Variants in VPS50 observed in about 807,000 individuals in gnomAD.
The protein encoded by VPS50 is VPS50 subunit of EARP/GARPII complex.
In VPS50, 70 loss-of-function variants were observed where a neutral mutation model predicts 139.7. The ratio of observed to expected loss-of-function variants is 0.50; its 90% CI spans 0.41 to 0.61. VPS50 has a LOEUF of 0.61. Ranked by LOEUF, VPS50 falls within the 20% of genes least tolerant of loss-of-function variation. VPS50 has a pLI of 0.00. For missense variants in VPS50, 921 were observed against 1,133.7 expected (o/e 0.81, Z 2.69); for synonymous variants, 365 against 376.7 (o/e 0.97, Z 0.36).
At chr7:93,302,243 T>C (rs1796997595) in intron 16 of VPS50, among the ~76,000 whole-genome samples, 1 of 152,158 alleles carries the variant, frequency 6.6e-6, no homozygotes, top group African/African-American at 2.4e-5. Context: ...GGCCATTATG[T>C]CTTCAAATAT....
intron 12 of VPS50, among the ~76,000 whole-genome samples, chr7:93,277,042 T>G (rs946518372): frequency 6.6e-6 from 1 of 152,178 alleles, no homozygotes; most frequent in Admixed American, 6.5e-5. Flanking sequence ...TCTACTTGTA[T>G]TTAAAGCCCT....
intron 1 of VPS50, 138 bp downstream of exon 1, chr7:93,232,638 G>C: frequency 1.3e-6 from 1 of 774,138 alleles, no homozygotes; most frequent in Non-Finnish European, 2.2e-6. Context: ...GGAAGCCGGG[G>C]CATACCCTAG....
At chr7:93,345,122 T>C (rs1481595051) in intron 23 of VPS50, among the ~76,000 whole-genome samples, 11 of 151,954 alleles carry the variant, frequency 7.2e-5, no homozygotes, top group African/African-American at 2.2e-4. Flanking sequence ...ATCAAATAGA[T>C]GCAATAATAA....
intron 26 of VPS50, among the ~76,000 whole-genome samples, 192 bp from the exon 27 acceptor site, chr7:93,355,699 G>A (rs558799945): frequency 1.9e-4 from 29 of 152,180 alleles, no homozygotes; most frequent in African/African-American, 5.5e-4. Context: ...ACTGAGGCCC[G>A]CATAGGTAAA....
At chr7:93,285,631 G>A (rs574865503) in intron 12 of VPS50, among the ~76,000 whole-genome samples, 2 of 152,294 alleles carry the variant, frequency 1.3e-5, no homozygotes, top group East Asian at 3.9e-4. Flanking sequence ...AGACTGAGAT[G>A]TTGCTGGTTT....
chr7:93,355,991 C>A lies in VPS50; in HGVS notation c.2686C>A (p.Pro896Thr), dbSNP rs1001689605. ...MKLEKLTDIR[P>T]IPDKEFVETY... ...ACTTGAAAAACTAACAGATATTAGA[C>A]CCATTCCTGATAAAGAATTTGTAGA... Residue 896 changes from proline (P) to threonine (T), a missense_variant, in exon 27 of 28, where the codon CCC becomes ACC. This residue lies in a region of VPS50 where 158 missense variants were observed against 156.3 expected (regional missense o/e 1.01). Coordinates refer to ENST00000305866, the MANE Select transcript of VPS50 (RefSeq NM_017667.4). 6.3e-7 allele frequency: 1 copy of A among 1,584,366 alleles called. No individual in the cohort carries two copies. Among genetic ancestry groups the A allele is most frequent in the Non-Finnish European group, 8.6e-7 (1 of 1,156,202 alleles).
intron 9 of VPS50, among the ~76,000 whole-genome samples, chr7:93,270,776 T>G (rs927153451): frequency 6.6e-5 from 10 of 152,114 alleles, no homozygotes; most frequent in Admixed American, 2.6e-4. Flanking sequence ...GCCATTTTTT[T>G]CATTCGTTAC....
At chr7:93,271,965 G>A (rs938073489) in intron 10 of VPS50, among the ~76,000 whole-genome samples, 8 of 151,832 alleles carry the variant, frequency 5.3e-5, no homozygotes, top group Non-Finnish European at 1.0e-4. Flanking sequence ...TTAAATAATT[G>A]TGAGAATGAC....
intron 20 of VPS50, among the ~76,000 whole-genome samples, chr7:93,319,983 C>A (rs1797552697): frequency 6.6e-6 from 1 of 151,472 alleles, no homozygotes; most frequent in Non-Finnish European, 1.5e-5. Flanking sequence ...TATTATATTT[C>A]TTTTTAGCTT....
At chr7:93,306,482 A>G (rs562321059) in intron 18 of VPS50, among the ~76,000 whole-genome samples, 3 of 152,008 alleles carry the variant, frequency 2.0e-5, no homozygotes, top group South Asian at 2.1e-4. Flanking sequence ...TAGAAGTACA[A>G]TGTTTTAACA....
intron 11 of VPS50, among the ~76,000 whole-genome samples, chr7:93,274,647 G>A (rs967459353): frequency 2.3e-4 from 35 of 152,132 alleles, no homozygotes; most frequent in African/African-American, 7.7e-4. Flanking sequence ...TTTCATGCCT[G>A]ATAACAGTCA....
chr7:93,329,848 G>T (rs1475901686), intron 21 of VPS50, among the ~76,000 whole-genome samples: 1 of 151,920 alleles, frequency 6.6e-6, no homozygotes, highest in Non-Finnish European at 1.5e-5. Flanking sequence ...TAGATAAAAA[G>T]AACAAAAATA....
At chr7:93,246,616 G>A (rs1196586272) in intron 2 of VPS50, among the ~76,000 whole-genome samples, 1 of 151,760 alleles carries the variant, frequency 6.6e-6, no homozygotes, top group Non-Finnish European at 1.5e-5. Context: ...GTTTAATAAT[G>A]GTAAGGAAAA....
chr7:93,294,746 T>C (rs1485450062), intron 14 of VPS50, 110 bp downstream of exon 14: 2 of 793,044 alleles, frequency 2.5e-6, no homozygotes, highest in Non-Finnish European at 3.8e-6. Context: ...GCAGATTTAA[T>C]CATATGTTTC....
intron 20 of VPS50, among the ~76,000 whole-genome samples, chr7:93,316,121 T>A (rs1356470948): frequency 6.6e-6 from 1 of 152,154 alleles, no homozygotes; most frequent in Non-Finnish European, 1.5e-5. Context: ...TTCTCATAGA[T>A]GAAGTTGGTA....
At chr7:93,312,626 T>G (rs1466169875) in intron 20 of VPS50, among the ~76,000 whole-genome samples, 3 of 151,960 alleles carry the variant, frequency 2.0e-5, no homozygotes, top group Admixed American at 6.5e-5. Context: ...GTGCATTTTT[T>G]TCTTCTATTT....
intron 5 of VPS50, 148 bp from the exon 6 acceptor site, chr7:93,257,246 A>G (rs1795514352): frequency 3.6e-5 from 20 of 555,068 alleles, no homozygotes; most frequent in Admixed American, 7.0e-5. Context: ...ATATACTAAT[A>G]GTTTTCAAGT....
chr7:93,322,621 A>AG (rs1344678404), intron 20 of VPS50, among the ~76,000 whole-genome samples: 3 of 151,660 alleles, frequency 2.0e-5, no homozygotes, highest in South Asian at 4.2e-4. Flanking sequence ...AAAAAAAAAA[A>AG]ATAGTACCAA....
At chr7:93,342,706 C>A (rs902070401) in intron 23 of VPS50, among the ~76,000 whole-genome samples, 7 of 152,168 alleles carry the variant, frequency 4.6e-5, no homozygotes, top group Middle Eastern at 3.2e-3. Flanking sequence ...TGGGAGGCAC[C>A]CCCCAGCAGG....
Sources: allele counts gnomAD v4.1 joint callset (sites outside exome capture counted in the v4.1 genomes callset), GRCh38; gene constraint gnomAD v4.1.1; regional missense constraint gnomAD v4.1.1; transcripts MANE v1.5; gene names NCBI Gene and HGNC (gene_info 2026-07-23, HGNC 2026-07-21).